The following EHBP1 variants were observed in gnomAD, a reference collection of about 807,000 sequenced individuals.
The protein encoded by EHBP1 is EH domain binding protein 1.
A neutral mutation model predicts 144.0 loss-of-function variants in EHBP1; 55 were observed. The observed-to-expected ratio is 0.38, with a 90% confidence interval of 0.31 to 0.48. The LOEUF is 0.48. EHBP1 is among the 20% of genes least tolerant of loss of function. EHBP1 has a pLI of 0.98. For missense variants in EHBP1, 1,200 were observed against 1,364.2 expected, an observed-to-expected ratio of 0.88 and a Z score of 1.90; for synonymous variants, 469 against 472.7, an observed-to-expected ratio of 0.99 and a Z score of 0.10.
At position 63,045,810 on chromosome 2, in the gene EHBP1, C is replaced by T. The variant is rs2061933985; in HGVS notation, c.*310C>T. 1 of 208,504 alleles carries T rather than the reference C, an allele frequency of 4.8e-6. No homozygotes were observed. The allele number at this position is 208,504 out of a possible 1,614,324, so 12.9% of individuals were successfully genotyped here. On this transcript the variant is annotated 3_prime_UTR_variant, in exon 23 of 23. Transcript: ENST00000431489. The surrounding 1 kb of genome is among the most constrained non-coding windows in gnomAD (Gnocchi z 5.7). The stretch of plus-strand genomic sequence containing the variant: ...GTTCAAGAAACTGTTCGAAAAAGAA[C>T]AAAAACACTTCCCTCGTTATTTTCT...
At chr2:62,834,645 T>G (rs2047075016) in intron 7 of EHBP1, among the ~76,000 whole-genome samples, 1 of 152,252 alleles carries the variant, frequency 6.6e-6, no homozygotes, top group East Asian at 1.9e-4. Context: ...TATTGCAATA[T>G]TCACTTTATT....
intron 2 of EHBP1, among the ~76,000 whole-genome samples, chr2:62,730,176 C>T (rs934822748): frequency 6.6e-6 from 1 of 151,748 alleles, no homozygotes; most frequent in African/African-American, 2.4e-5. Context: ...TTTTCATATA[C>T]CCCTCATCTG....
intron 18 of EHBP1, 126 bp from the exon 19 acceptor site, chr2:62,996,517 G>A: frequency 8.7e-7 from 1 of 1,144,578 alleles, no homozygotes; most frequent in Non-Finnish European, 1.2e-6. Context: ...GTTGCTTTTT[G>A]GTACTAAGGG....
chr2:62,941,331 A>G (rs747970488), intron 10 of EHBP1, among the ~76,000 whole-genome samples: 1 of 152,134 alleles, frequency 6.6e-6, no homozygotes, highest in Non-Finnish European at 1.5e-5. Flanking sequence ...AATGTAGTAT[A>G]TTGGGATTCC....
chr2:62,850,424 C>A lies in EHBP1; in HGVS notation c.635-8745C>A, dbSNP rs193162491. On this transcript the variant is annotated intron_variant, in intron 7 of 22. Coordinates refer to ENST00000431489, the MANE Select transcript of EHBP1 (RefSeq NM_001142616.3). ...TGTGATAATCTCTGGTGGTCAATTT[C>A]GATCTTCTTTTGCCTTCCTTACTGT... is the stretch of plus-strand genomic sequence containing the variant. Among the ~76,000 whole-genome samples, 49 of 152,040 alleles carry A rather than the reference C, an allele frequency of 3.2e-4. No homozygotes were observed. The Middle Eastern group carries it at 0.014, about 43-fold the overall frequency.
At chr2:62,963,173 T>A (rs2058079240) in intron 14 of EHBP1, among the ~76,000 whole-genome samples, 1 of 152,238 alleles carries the variant, frequency 6.6e-6, no homozygotes, top group Admixed American at 6.5e-5. Flanking sequence ...CCTTTGGAAG[T>A]GAATCCAAAT....
chr2:62,799,003 C>CAAAAAAAAAAAAAAAAAA (rs757731955), intron 5 of EHBP1, among the ~76,000 whole-genome samples: 1 of 76,786 alleles, frequency 1.3e-5, no homozygotes, highest in Non-Finnish European at 2.4e-5. Context: ...GACTCCGTCT[C>CAAAAAAAAAAAAAAAAAA]AAAAAAAAAA....
chr2:62,883,963 C>T (rs576674909), intron 10 of EHBP1, among the ~76,000 whole-genome samples: 24 of 152,268 alleles, frequency 1.6e-4, no homozygotes, highest in African/African-American at 5.3e-4. Flanking sequence ...GAGTGAAACA[C>T]TGTCACCTAA....
chr2:62,768,701 A>G (rs2041390777), intron 4 of EHBP1, among the ~76,000 whole-genome samples: 1 of 152,222 alleles, frequency 6.6e-6, no homozygotes, highest in African/African-American at 2.4e-5. Flanking sequence ...AAAACCTGGC[A>G]GAGACACAAC....
chr2:62,954,060 C>G (rs1018428458), intron 13 of EHBP1, among the ~76,000 whole-genome samples: 33 of 152,138 alleles, frequency 2.2e-4, no homozygotes, highest in African/African-American at 7.5e-4. Flanking sequence ...TTTGCCCTGT[C>G]CTTCTGAGAG....
At chr2:62,943,598 C>T (rs918003139) in intron 11 of EHBP1, among the ~76,000 whole-genome samples, 70 of 152,104 alleles carry the variant, frequency 4.6e-4, no homozygotes, top group African/African-American at 1.5e-3. Context: ...CTTCAGGCAG[C>T]GAAACGTGTA....
At chr2:62,995,828 A>G (rs915727109) in intron 18 of EHBP1, among the ~76,000 whole-genome samples, 1 of 152,126 alleles carries the variant, frequency 6.6e-6, no homozygotes, top group African/African-American at 2.4e-5. Context: ...GATTGTAAAA[A>G]TTAAAGGTAA....
At chr2:63,020,323 C>CAAAAAAAAAAAAAAA (rs1001418542) in intron 19 of EHBP1, among the ~76,000 whole-genome samples, 1 of 45,282 alleles carries the variant, frequency 2.2e-5, no homozygotes, top group Non-Finnish European at 4.4e-5. Flanking sequence ...GACTCTGTCT[C>CAAAAAAAAAAAAAAA]AAAAAAAAAA....
At chr2:62,763,921 A>G (rs1013906714) in intron 3 of EHBP1, among the ~76,000 whole-genome samples, 1 of 152,114 alleles carries the variant, frequency 6.6e-6, no homozygotes, top group Non-Finnish European at 1.5e-5. Flanking sequence ...TATCTCTTCT[A>G]ATAAAATACT....
chr2:62,778,872 T>G (rs2042231103), intron 5 of EHBP1, among the ~76,000 whole-genome samples: 1 of 151,986 alleles, frequency 6.6e-6, no homozygotes, highest in Non-Finnish European at 1.5e-5. Flanking sequence ...TTAGTTGTTT[T>G]TTTTTCTGTG....
intron 8 of EHBP1, among the ~76,000 whole-genome samples, chr2:62,861,458 T>C (rs2049539222): frequency 1.3e-5 from 2 of 149,410 alleles, no homozygotes; most frequent in Middle Eastern, 3.2e-3. Context: ...AGCTACTAAA[T>C]GTCGGCCGGG....
chr2:62,729,484 T>C (rs1341607890), intron 2 of EHBP1, among the ~76,000 whole-genome samples: 1 of 104,126 alleles, frequency 9.6e-6, no homozygotes, highest in South Asian at 2.6e-4. Context: ...AAAATATATA[T>C]AAATATATAA....
intron 3 of EHBP1, among the ~76,000 whole-genome samples, chr2:62,756,337 A>G (rs1157806395): frequency 6.6e-6 from 1 of 152,192 alleles, no homozygotes; most frequent in African/African-American, 2.4e-5. Context: ...TTATTGTTGG[A>G]TGAATTTTCC....
chr2:62,851,019 A>G lies in EHBP1; in HGVS notation c.635-8150A>G, dbSNP rs2048661260. ...CAGTCATCCAACACGCAAACATAGC[A>G]CTTATCTTAGATTTCTTGCCTATCC... On this transcript the variant is annotated intron_variant, in intron 7 of 22. Transcript: ENST00000431489. Among the ~76,000 whole-genome samples, 6 of 152,316 alleles carry G rather than the reference A, an allele frequency of 3.9e-5. 1 individual carries two copies. In the South Asian group the frequency reaches 1.2e-3, roughly 32 times the overall value.
Sources: allele counts gnomAD v4.1 joint callset (sites outside exome capture counted in the v4.1 genomes callset), GRCh38; gene constraint gnomAD v4.1.1; non-coding constraint Gnocchi (gnomAD v3.1); transcripts MANE v1.5; gene names NCBI Gene and HGNC (gene_info 2026-07-23, HGNC 2026-07-21).